Variants in PTPRG observed in about 807,000 individuals in gnomAD.
PTPRG encodes receptor-type tyrosine-protein phosphatase gamma.
Under a neutral mutation model 165.3 loss-of-function variants are expected in PTPRG, and 102 were observed. The ratio of observed to expected loss-of-function variants is 0.62; its 90% CI spans 0.53 to 0.73. The LOEUF is 0.73. Ranked by LOEUF, PTPRG falls within the 30% of genes least tolerant of loss-of-function variation. The probability of loss-of-function intolerance (pLI) is 0.00; values close to 1 mark genes in which losing one functional copy is unlikely to be tolerated. For synonymous variants in PTPRG, 675 were observed against 669.5 expected (o/e 1.01, Z -0.13); for missense variants, 1,866 against 1,861.4 (o/e 1.00, Z -0.05).
chr3:62,271,334 G>C lies in PTPRG; in HGVS notation c.3010-49G>C, dbSNP rs572490128. 6.8e-7 allele frequency: 1 copy of C among 1,476,094 alleles called. No individual in the cohort carries two copies. The highest frequency in any genetic ancestry group is 1.3e-5 in the South Asian group (1 of 76,274). The allele number at this position is 1,476,094 out of a possible 1,614,324, so 91.4% of individuals were successfully genotyped here. Reference sequence around the variant, plus strand: ...GACACCCTTACATTATTTTTTTCCAGAATGTCCACCCCCCCGCTTAAAGAC... The same window carrying C: ...GACACCCTTACATTATTTTTTTCCACAATGTCCACCCCCCCGCTTAAAGAC... On this transcript the variant is annotated intron_variant, in intron 20 of 29. Transcript: ENST00000474889. This position sits in a 1 kb window ranked among gnomAD's most constrained non-coding sequence, Gnocchi z 4.1.
chr3:61,991,029 A>G (rs932780323), intron 3 of PTPRG, among the ~76,000 whole-genome samples: 2 of 151,506 alleles, frequency 1.3e-5, no homozygotes, highest in East Asian at 1.9e-4. Context: ...TGGCATGTTC[A>G]TAGAATTGCT....
chr3:62,053,391 C>G (rs1489743448), intron 4 of PTPRG, among the ~76,000 whole-genome samples: 2 of 151,814 alleles, frequency 1.3e-5, no homozygotes, highest in South Asian at 4.1e-4. Flanking sequence ...CTCAGCCTCC[C>G]GAGTAGCTGG....
At chr3:62,286,131 G>GCCCTGAGATCAAAGAGTCT (rs1702651183) in intron 28 of PTPRG, among the ~76,000 whole-genome samples, 1 of 151,870 alleles carries the variant, frequency 6.6e-6, no homozygotes, top group Admixed American at 6.6e-5. Context: ...TTTTAATTTG[G>GCCCTGAGATCAAAGAGTCT]CCCTGAGATC....
Position 61,694,022 on chromosome 3 carries a change from A to G in PTPRG, c.86-54856A>G, listed in dbSNP as rs9311829. On this transcript the variant is annotated intron_variant, in intron 1 of 29. Transcript: ENST00000474889. ...GACTCCATCTCCAAAAAAAAAAAAA[A>G]AAAAGAGAGAGAGAGAGAGAGGGAA... is the stretch of plus-strand genomic sequence containing the variant. Among the ~76,000 whole-genome samples the G allele has an allele frequency of 9.2e-5, 13 of 140,848 alleles. 1 individual carries two copies. The highest frequency in any genetic ancestry group is 3.6e-4 in the African/African-American group (12 of 33,454). 92.4% of individuals were successfully genotyped at this position (140,848 alleles called of 152,430 possible).
chr3:62,080,635 T>C (rs9881878), intron 5 of PTPRG, among the ~76,000 whole-genome samples: 108 of 152,280 alleles, frequency 7.1e-4, no homozygotes, highest in African/African-American at 2.2e-3. Flanking sequence ...AAAAGAAAAT[T>C]TAAAAAAAAC....
chr3:61,762,467 C>T (rs1349937009), intron 2 of PTPRG, among the ~76,000 whole-genome samples: 2 of 151,916 alleles, frequency 1.3e-5, no homozygotes, highest in Non-Finnish European at 1.5e-5. Context: ...AAAAAGTAGC[C>T]GGGTGTAGTG....
At chr3:61,963,589 A>G (rs920100068) in intron 2 of PTPRG, among the ~76,000 whole-genome samples, 1 of 152,206 alleles carries the variant, frequency 6.6e-6, no homozygotes, top group Admixed American at 6.5e-5. Context: ...ATTAATCCAC[A>G]TTAGAATTTA....
intron 1 of PTPRG, among the ~76,000 whole-genome samples, chr3:61,701,206 G>A (rs1371823361): frequency 6.6e-6 from 1 of 152,174 alleles, no homozygotes; most frequent in African/African-American, 2.4e-5. Context: ...GTTGCATGCT[G>A]AGCTCTCTGA....
chr3:62,106,875 C>T (rs1702491476), intron 5 of PTPRG, among the ~76,000 whole-genome samples: 1 of 152,154 alleles, frequency 6.6e-6, no homozygotes, highest in African/African-American at 2.4e-5. Context: ...TATATCCAGT[C>T]TCCTTTCTAA....
chr3:61,564,337 C>T (rs1212877068), intron 1 of PTPRG, among the ~76,000 whole-genome samples: 6 of 152,010 alleles, frequency 3.9e-5, no homozygotes, highest in African/African-American at 1.5e-4. Context: ...TTTCCAATTC[C>T]ACTTCTGTCC....
chr3:61,617,341 AT>A (rs1306330667), intron 1 of PTPRG, among the ~76,000 whole-genome samples: 1 of 152,164 alleles, frequency 6.6e-6, no homozygotes, highest in Non-Finnish European at 1.5e-5. Context: ...TCGGTATTTA[AT>A]GGCTCTTCTA....
intron 1 of PTPRG, among the ~76,000 whole-genome samples, chr3:61,711,807 T>G (rs1386970243): frequency 6.6e-6 from 1 of 152,174 alleles, no homozygotes; most frequent in Non-Finnish European, 1.5e-5. Flanking sequence ...TGAATTTACA[T>G]TTGTCTGTCT....
At chr3:61,965,724 G>C (rs2040255770) in intron 2 of PTPRG, among the ~76,000 whole-genome samples, 1 of 152,194 alleles carries the variant, frequency 6.6e-6, no homozygotes, top group Admixed American at 6.5e-5. Context: ...CTATTTGCAA[G>C]ACACTAAGCA....
chr3:61,755,893 T>C (rs754491910), intron 2 of PTPRG, among the ~76,000 whole-genome samples: 1 of 152,144 alleles, frequency 6.6e-6, no homozygotes, highest in African/African-American at 2.4e-5. Flanking sequence ...GGACTACAGT[T>C]GGTTTTATGT....
intron 1 of PTPRG, among the ~76,000 whole-genome samples, chr3:61,671,966 G>A (rs1703013382): frequency 7.4e-6 from 1 of 135,364 alleles, no homozygotes; most frequent in Non-Finnish European, 1.6e-5. Flanking sequence ...TCCCAGACGG[G>A]GTGGCTGCTG....
intron 3 of PTPRG, among the ~76,000 whole-genome samples, chr3:61,999,333 C>G (rs960875134): frequency 6.6e-6 from 1 of 152,130 alleles, no homozygotes; most frequent in Non-Finnish European, 1.5e-5. Flanking sequence ...AAGCACAAGC[C>G]ACCGTGCCTG....
rs11310810 is a variant in PTPRG at position 61,843,964 on chromosome 3, CTTTTTTT to C, written c.190+94993_190+94999del. On this transcript the variant is annotated intron_variant, in intron 2 of 29. Transcript: ENST00000474889. ...CTTGGAAAATTCACATTTTACAACT[CTTTTTTT>C]TTTTTTTTTTGAAATGGAGTCTCAT... is the stretch of plus-strand genomic sequence containing the variant. Among the ~76,000 whole-genome samples the C allele has an allele frequency of 9.0e-5, 11 of 122,082 alleles. No homozygotes were observed. The East Asian group carries it at 1.8e-3, about 20-fold the overall frequency. 80.1% of individuals were successfully genotyped at this position (122,082 alleles called of 152,430 possible). A position where few individuals can be genotyped will look rare whatever the true frequency, so the allele number is the denominator to read the frequency against.
chr3:62,259,903 G>A (rs1039066782), intron 16 of PTPRG, among the ~76,000 whole-genome samples: 1 of 152,148 alleles, frequency 6.6e-6, no homozygotes, highest in Non-Finnish European at 1.5e-5. Context: ...GTCTGGGATT[G>A]GGAAGGGTGG....
intron 2 of PTPRG, among the ~76,000 whole-genome samples, chr3:61,868,349 C>T (rs1204915794): frequency 6.6e-6 from 1 of 152,158 alleles, no homozygotes; most frequent in Non-Finnish European, 1.5e-5. Flanking sequence ...ATTCCGAAAT[C>T]CCTGAGTGCT....
Sources: allele counts gnomAD v4.1 joint callset (sites outside exome capture counted in the v4.1 genomes callset), GRCh38; gene constraint gnomAD v4.1.1; non-coding constraint Gnocchi (gnomAD v3.1); transcripts MANE v1.5; gene names NCBI Gene and HGNC (gene_info 2026-07-23, HGNC 2026-07-21).